NSMAF: variants seen among roughly 807,000 people sequenced by gnomAD.
NSMAF encodes the protein protein FAN.
A neutral mutation model predicts 134.9 loss-of-function variants in NSMAF; 90 were observed. The observed-to-expected ratio is 0.67, with a 90% CI of 0.56 to 0.79. The LOEUF (loss-of-function observed/expected upper bound fraction) is 0.79, where lower values mean the gene tolerates loss of function less well. NSMAF is among the 30% of genes least tolerant of loss of function. NSMAF has a pLI of 0.00. For synonymous variants in NSMAF, 358 were observed against 389.6 expected (o/e 0.92, Z 0.96); for missense variants, 1,010 against 1,119.0 (o/e 0.90, Z 1.39).
intron 2 of NSMAF, among the ~76,000 whole-genome samples, chr8:58,637,573 G>C (rs1200533183): frequency 6.6e-6 from 1 of 152,066 alleles, no homozygotes; most frequent in Non-Finnish European, 1.5e-5. Flanking sequence ...CAAATAACAT[G>C]ATTTTATATG....
chr8:58,646,585 T>C (rs1207162767), intron 1 of NSMAF, among the ~76,000 whole-genome samples: 1 of 152,226 alleles, frequency 6.6e-6, no homozygotes, highest in East Asian at 1.9e-4. Context: ...AAGTAAAGGA[T>C]TATGAAACTT....
At chr8:58,637,836 G>A (rs564537797) in intron 2 of NSMAF, among the ~76,000 whole-genome samples, 44 of 152,222 alleles carry the variant, frequency 2.9e-4, no homozygotes, top group African/African-American at 7.7e-4. Flanking sequence ...AAACACTGAT[G>A]AAAGAAACTG....
In NSMAF at chr8:58,595,606, T is replaced by C. The variant is rs1371604193; in HGVS notation, c.1846A>G (p.Asn616Asp). 1 of 1,614,110 alleles carries C rather than the reference T, an allele frequency of 6.2e-7. No individual in the cohort carries two copies. The highest frequency in any genetic ancestry group is 8.5e-7 in the Non-Finnish European group (1 of 1,179,958). Residue 616 changes from asparagine (N) to aspartate (D), a missense_variant, in exon 22 of 31, where the codon AAC (asparagine) becomes GAC (aspartate). Transcript: ENST00000038176. ...TEESKTLAWN[N>D]ITKLQLHEHY... ...TCGTGTAACTGCAGTTTGGTGATGTTATTCCAGGCCAGTGTTTTGCTTTCT... is the reference window on the plus strand; with the variant it reads ...TCGTGTAACTGCAGTTTGGTGATGTCATTCCAGGCCAGTGTTTTGCTTTCT...
At chr8:58,607,535 T>C (rs1301530996) in intron 11 of NSMAF, among the ~76,000 whole-genome samples, 1 of 152,254 alleles carries the variant, frequency 6.6e-6, no homozygotes, top group East Asian at 1.9e-4. Context: ...TCTAGCCCTC[T>C]TGCTCTTGGA....
chr8:58,659,247 C>T (rs1807799358), intron 1 of NSMAF: 1 of 1,504,200 alleles, frequency 6.6e-7, no homozygotes, highest in South Asian at 1.2e-5. Flanking sequence ...CCGGACCCCG[C>T]GCGGCCTTCC....
chr8:58,597,181 G>A (rs973511025), intron 21 of NSMAF, among the ~76,000 whole-genome samples: 4 of 152,134 alleles, frequency 2.6e-5, no homozygotes, highest in African/African-American at 9.7e-5. Context: ...AAATAAAAGC[G>A]ATTTGATTTC....
intron 9 of NSMAF, among the ~76,000 whole-genome samples, chr8:58,613,811 A>C (rs1224925535): frequency 1.3e-5 from 2 of 152,170 alleles, no homozygotes; most frequent in Non-Finnish European, 2.9e-5. Context: ...GGATTTTTGA[A>C]TGTTTGTATC....
intron 5 of NSMAF, among the ~76,000 whole-genome samples, chr8:58,633,703 C>G (rs934436243): frequency 2.6e-5 from 4 of 152,042 alleles, no homozygotes; most frequent in African/African-American, 9.7e-5. Context: ...TTAGCAGCAA[C>G]AAAAAAATTG....
chr8:58,652,692 C>A lies in NSMAF; in HGVS notation c.59+6881G>T, dbSNP rs188241357. Among the ~76,000 whole-genome samples the A allele has an allele frequency of 3.9e-5, 6 of 152,312 alleles. No individual in the cohort carries two copies. In the East Asian group the frequency reaches 1.2e-3, roughly 29 times the overall value. ...TGACCTTTCTCTGTGAGGTACCCCC[C>A]CAACACCCCAGAGCACTCCAGCAAG... On this transcript the variant is annotated intron_variant, in intron 1 of 30. Transcript: ENST00000038176.
At position 58,601,543 on chromosome 8, in the gene NSMAF, A is replaced by T. The variant is rs747593151; in HGVS notation, c.1126-8T>A. 6.6e-7 allele frequency: 1 copy of T among 1,519,886 alleles called. No homozygotes were observed. Among genetic ancestry groups the T allele is most frequent in the Non-Finnish European group, 8.8e-7 (1 of 1,141,776 alleles). 94.1% of individuals were successfully genotyped at this position (1,519,886 alleles called of 1,614,324 possible). Reference sequence around the variant, plus strand: ...CATTTCCTGGTAGCGTGTCTAGAATACAGAAAAAAAAAAAAAATAGAGCTA... The same window carrying T: ...CATTTCCTGGTAGCGTGTCTAGAATTCAGAAAAAAAAAAAAAATAGAGCTA... On this transcript the variant is annotated splice_region_variant and splice_polypyrimidine_tract_variant and intron_variant, in intron 14 of 30. Transcript: ENST00000038176.
intron 1 of NSMAF, 93 bp downstream of exon 1, chr8:58,659,480 C>T (rs2129149630): frequency 2.7e-6 from 4 of 1,493,632 alleles, no homozygotes; most frequent in East Asian, 5.6e-5. Context: ...CCGGCCCCCA[C>T]GCCGCCTCCC....
At position 58,584,189 on chromosome 8, in the gene NSMAF, A is replaced by G. The variant is rs1393463152; in HGVS notation, c.2671T>C (p.Cys891Arg). ...CTACACTGTTCATTCATCCATATAC[A>G]TGTCACAGCACCTGAGAGAAAGACA... ...RIQGHTGAVT[C>R]IWMNEQCSSI... is the part of the protein sequence containing the mutation. The change falls in exon 31 of 31, where the codon TGT becomes CGT. Residue 891 changes from cysteine to arginine, a missense_variant. Physicochemically the swap from Cys to Arg is radical, Grantham distance 180. Transcript: ENST00000038176. The G allele has an allele frequency of 3.1e-6, 5 of 1,612,744 alleles. No homozygotes were observed. Among genetic ancestry groups the G allele is most frequent in the Non-Finnish European group, 4.2e-6 (5 of 1,179,084 alleles).
intron 12 of NSMAF, 35 bp from the exon 13 acceptor site, chr8:58,603,421 A>G (rs1806333270): frequency 6.2e-6 from 10 of 1,604,942 alleles, no homozygotes; most frequent in African/African-American, 1.3e-5. Context: ...CTGCCACTTA[A>G]CTTCGCAAAC....
intron 9 of NSMAF, among the ~76,000 whole-genome samples, chr8:58,614,019 T>C (rs1806597781): frequency 6.6e-6 from 1 of 152,196 alleles, no homozygotes; most frequent in African/African-American, 2.4e-5. Context: ...CTAGGAGCAA[T>C]AGGCTATACT....
rs984172283 is a variant in NSMAF at position 58,586,613 on chromosome 8, G to C, written c.2296-5C>G. The C allele has an allele frequency of 1.2e-6, 2 of 1,606,374 alleles. No homozygotes were observed. The highest frequency in any genetic ancestry group is 1.7e-6 in the Non-Finnish European group (2 of 1,176,194). ...ATTTAAACTGATTGTATCTACCTAAGGAAGAAAACACATTGATACATATTC... is the reference window on the plus strand; with the variant it reads ...ATTTAAACTGATTGTATCTACCTAACGAAGAAAACACATTGATACATATTC... On this transcript the variant is annotated splice_region_variant and splice_polypyrimidine_tract_variant and intron_variant, in intron 27 of 30. Transcript: ENST00000038176.
At chr8:58,640,401 GT>G (rs1404651529) in intron 2 of NSMAF, among the ~76,000 whole-genome samples, 1 of 152,104 alleles carries the variant, frequency 6.6e-6, no homozygotes, top group African/African-American at 2.4e-5. Context: ...AATATTACAT[GT>G]ATGTCTCTTT....
At chr8:58,654,723 T>C (rs898909514) in intron 1 of NSMAF, among the ~76,000 whole-genome samples, 7 of 152,240 alleles carry the variant, frequency 4.6e-5, no homozygotes, top group Non-Finnish European at 8.8e-5. Flanking sequence ...AGTGGAAATC[T>C]GTGGAACTTA....
At chr8:58,631,860 TC>T (rs1807064303) in intron 5 of NSMAF, among the ~76,000 whole-genome samples, 1 of 152,098 alleles carries the variant, frequency 6.6e-6, no homozygotes, top group Non-Finnish European at 1.5e-5. Flanking sequence ...AGGAGGCTAA[TC>T]CAAGTGCTGA....
intron 9 of NSMAF, 87 bp from the exon 10 acceptor site, chr8:58,609,820 T>C (rs1035045642): frequency 7.9e-7 from 1 of 1,269,436 alleles, no homozygotes; most frequent in Non-Finnish European, 1.1e-6. Flanking sequence ...AGTGTGACTT[T>C]CTATGACATT....
Sources: gnomAD v4.1 joint callset for allele counts (sites outside exome capture counted in the v4.1 genomes callset) on GRCh38, gnomAD v4.1.1 for gene constraint, MANE v1.5 for transcripts, NCBI Gene and HGNC (gene_info 2026-07-23, HGNC 2026-07-21) for gene names.